OR1B1: variants seen among roughly 807,000 people sequenced by gnomAD.
OR1B1 encodes olfactory receptor family 1 subfamily B member 1.
For synonymous variants in OR1B1, 168 were observed against 156.2 expected, an observed-to-expected ratio of 1.08 and a Z score of -0.57; for missense variants, 414 against 402.1, an observed-to-expected ratio of 1.03 and a Z score of -0.25.
chr9:122,644,957 G>C, the OR1B1 span, among the ~76,000 whole-genome samples: 2 of 152,198 alleles, frequency 1.3e-5, no homozygotes, highest in Non-Finnish European at 2.9e-5. Flanking sequence ...CCAGGGACCA[G>C]TCCCAGAGAA....
At chr9:122,635,280 G>T in the OR1B1 span, among the ~76,000 whole-genome samples, 1 of 152,108 alleles carries the variant, frequency 6.6e-6, no homozygotes, top group Admixed American at 6.6e-5. Context: ...AAAAAATACT[G>T]CATAATTTTA....
chr9:122,656,247 A>C, the OR1B1 span, among the ~76,000 whole-genome samples: 79 of 152,294 alleles, frequency 5.2e-4, no homozygotes, highest in Non-Finnish European at 8.8e-5. Flanking sequence ...AAATCCTTGA[A>C]GCTTTGTTGA....
chr9:122,629,467 G>A lies in OR1B1; in HGVS notation c.69C>T (p.Asn23=), dbSNP rs765177851. 1.4e-5 allele frequency: 22 copies of A among 1,608,760 alleles called. No individual in the cohort carries two copies. In the African/African-American group the frequency reaches 2.7e-4, roughly 20 times the overall value. ...GGAAGAAGAGGAGAGTGTAGGAGAT[G>A]TTAGCTCTCGAGAACCCAAGGAGCA... is the stretch of plus-strand genomic sequence containing the variant. The change falls in exon 1 of 1, where the codon AAC becomes AAT. Residue 23 remains asparagine, a synonymous_variant. Coordinates refer to ENST00000623530, the Ensembl canonical transcript of OR1B1.
the OR1B1 span, among the ~76,000 whole-genome samples, chr9:122,644,071 A>G: frequency 6.6e-6 from 1 of 152,132 alleles, no homozygotes; most frequent in African/African-American, 2.4e-5. Flanking sequence ...GTTTGAGAAA[A>G]TCAGAGGGGA....
the OR1B1 span, chr9:122,639,825 T>A: frequency 6.6e-6 from 1 of 151,332 alleles, no homozygotes; most frequent in African/African-American, 2.4e-5. Context: ...ATAAAGTAAT[T>A]TACTCCATTT....
In OR1B1 at chr9:122,628,778, A is replaced by G. The variant is rs773465494; in HGVS notation, c.758T>C (p.Met253Thr). Residue 253 changes from methionine (M) to threonine (T), a missense_variant, in exon 1 of 1, where the codon ATG becomes ACG. By Grantham distance (81) the Met-to-Thr change is moderately conservative. Transcript: ENST00000623530. The stretch of plus-strand genomic sequence containing the variant: ...GATGGTGCCGTAGAGGAAACCAACC[A>G]TGGTGAGGTGGGATCCACAGGTGGA... The G allele has an allele frequency of 9.3e-6, 15 of 1,614,128 alleles. No individual in the cohort carries two copies. The South Asian group carries it at 1.6e-4, about 18-fold the overall frequency.
At chr9:122,641,787 T>A in the OR1B1 span, among the ~76,000 whole-genome samples, 2 of 152,172 alleles carry the variant, frequency 1.3e-5, no homozygotes, top group Non-Finnish European at 2.9e-5. Context: ...ATAATGCACG[T>A]GTTAATTAGC....
upstream of OR1B1, among the ~76,000 whole-genome samples, chr9:122,632,401 G>A (rs1374164254): frequency 9.9e-5 from 15 of 152,148 alleles, 1 homozygote. Context: ...TGGCTGAAGA[G>A]AGAAGTTAGT....
the OR1B1 span, among the ~76,000 whole-genome samples, chr9:122,646,903 C>T: frequency 2.0e-5 from 3 of 152,168 alleles, no homozygotes; most frequent in South Asian, 6.2e-4. Flanking sequence ...GGAGAAACAA[C>T]AAAAAGTTAA....
chr9:122,651,352 A>C, the OR1B1 span, among the ~76,000 whole-genome samples: 1 of 152,144 alleles, frequency 6.6e-6, no homozygotes, highest in Non-Finnish European at 1.5e-5. Flanking sequence ...AGCTATTCGA[A>C]ACTACGTAAT....
the OR1B1 span, among the ~76,000 whole-genome samples, chr9:122,656,376 G>A: frequency 1.3e-5 from 2 of 152,086 alleles, no homozygotes; most frequent in Non-Finnish European, 2.9e-5. Flanking sequence ...ATTGGGAGAT[G>A]GGCCTTTAAG....
chr9:122,656,601 C>T, the OR1B1 span, among the ~76,000 whole-genome samples: 1 of 152,158 alleles, frequency 6.6e-6, no homozygotes, highest in Admixed American at 6.6e-5. Flanking sequence ...CGTGTCATGC[C>T]CTCAGACTTC....
chr9:122,653,292 G>A, the OR1B1 span, among the ~76,000 whole-genome samples: 1 of 152,178 alleles, frequency 6.6e-6, no homozygotes, highest in Non-Finnish European at 1.5e-5. Flanking sequence ...TTAGTACTAT[G>A]AAAGGAAGTA....
exon 1 of OR1B1, chr9:122,629,488 G>C: frequency 6.4e-7 from 1 of 1,573,962 alleles, no homozygotes; most frequent in Non-Finnish European, 8.6e-7. Context: ...AGAACCCAAG[G>C]AGCAAAAAAA....
At chr9:122,635,328 A>G in the OR1B1 span, among the ~76,000 whole-genome samples, 3 of 152,230 alleles carry the variant, frequency 2.0e-5, no homozygotes, top group Non-Finnish European at 2.9e-5. Flanking sequence ...AACTAAATAC[A>G]TAGAAACAGT....
chr9:122,656,860 T>G, the OR1B1 span, among the ~76,000 whole-genome samples: 1 of 152,220 alleles, frequency 6.6e-6, no homozygotes, highest in African/African-American at 2.4e-5. Context: ...TATAACATAT[T>G]TTAGTTATAT....
the OR1B1 span, among the ~76,000 whole-genome samples, chr9:122,642,218 A>G: frequency 6.6e-6 from 1 of 152,168 alleles, no homozygotes; most frequent in Non-Finnish European, 1.5e-5. Context: ...GGCATAAAGG[A>G]GAAAAGATGG....
chr9:122,638,676 A>G, the OR1B1 span, among the ~76,000 whole-genome samples: 2 of 152,164 alleles, frequency 1.3e-5, no homozygotes, highest in African/African-American at 4.8e-5. Context: ...AATTATAATC[A>G]TCAGGCCTGT....
the OR1B1 span, among the ~76,000 whole-genome samples, chr9:122,640,128 C>T: frequency 6.6e-6 from 1 of 152,264 alleles, no homozygotes; most frequent in South Asian, 2.1e-4. Flanking sequence ...AAATCTTGAT[C>T]ATGGCTTCTC....
Sources: allele counts gnomAD v4.1 joint callset (sites outside exome capture counted in the v4.1 genomes callset), GRCh38; gene constraint gnomAD v4.1.1; transcripts MANE v1.5; gene names NCBI Gene and HGNC (gene_info 2026-07-23, HGNC 2026-07-21).